CACNG3: variants seen among roughly 807,000 people sequenced by gnomAD.
CACNG3 encodes the protein calcium voltage-gated channel auxiliary subunit gamma 3.
CACNG3 carries 3 observed loss-of-function variants against 28.5 expected under a neutral mutation model. The ratio of observed to expected loss-of-function variants is 0.11; its 90% confidence interval spans 0.05 to 0.27. The LOEUF (loss-of-function observed/expected upper bound fraction) is 0.27. Among genes scored for constraint, CACNG3 ranks in the 10% least tolerant of loss-of-function variants. The pLI is 1.00. For synonymous variants in CACNG3, 174 were observed against 162.2 expected (o/e 1.07, Z -0.55); for missense variants, 236 against 414.4 (o/e 0.57, Z 3.74).
chr16:24,271,291 A>G (rs1898687141), intron 1 of CACNG3, among the ~76,000 whole-genome samples: 1 of 152,202 alleles, frequency 6.6e-6, no homozygotes, highest in Non-Finnish European at 1.5e-5. Flanking sequence ...GCAGTGAAGT[A>G]GCACCTCATT....
At chr16:24,313,932 A>G (rs1899312021) in intron 1 of CACNG3, among the ~76,000 whole-genome samples, 1 of 151,960 alleles carries the variant, frequency 6.6e-6, no homozygotes, top group Admixed American at 6.6e-5. Flanking sequence ...TTTAGTAGAG[A>G]CAGGATATCG....
chr16:24,317,282 C>G (rs1320023425), intron 1 of CACNG3, among the ~76,000 whole-genome samples: 1 of 152,122 alleles, frequency 6.6e-6, no homozygotes, highest in Non-Finnish European at 1.5e-5. Context: ...TGGCTCCCAC[C>G]TGTAATCCCA....
intron 1 of CACNG3, among the ~76,000 whole-genome samples, chr16:24,282,142 G>A (rs180968561): frequency 6.6e-6 from 1 of 152,282 alleles, no homozygotes; most frequent in East Asian, 1.9e-4. Context: ...CAACTTTAAA[G>A]GAGACCCGAC....
At chr16:24,326,238 C>A (rs1246511103) in intron 1 of CACNG3, among the ~76,000 whole-genome samples, 1 of 151,838 alleles carries the variant, frequency 6.6e-6, no homozygotes, top group Non-Finnish European at 1.5e-5. Context: ...ATGGCACAAC[C>A]TCTGCTCACC....
At chr16:24,343,594 C>T (rs568108413) in intron 1 of CACNG3, among the ~76,000 whole-genome samples, 5 of 152,082 alleles carry the variant, frequency 3.3e-5, no homozygotes, top group Non-Finnish European at 7.4e-5. Context: ...AGGGGGTAGG[C>T]TATAAAATGA....
chr16:24,351,370 G>C (rs754818985), intron 2 of CACNG3, among the ~76,000 whole-genome samples: 12 of 151,880 alleles, frequency 7.9e-5, no homozygotes, highest in African/African-American at 2.4e-4. Context: ...TCAGGAGTTC[G>C]AGACCAACCA....
intron 1 of CACNG3, among the ~76,000 whole-genome samples, chr16:24,308,609 C>T (rs1319274717): frequency 6.6e-6 from 1 of 152,052 alleles, no homozygotes; most frequent in Non-Finnish European, 1.5e-5. Flanking sequence ...AATCCCAGCA[C>T]TTTGGGAGGC....
intron 1 of CACNG3, among the ~76,000 whole-genome samples, chr16:24,257,709 TA>T: frequency 6.6e-6 from 1 of 152,288 alleles, no homozygotes; most frequent in East Asian, 1.9e-4. Context: ...CCCAAACCCC[TA>T]AAAAGGTATT....
chr16:24,360,949 C>T (rs539870755), intron 3 of CACNG3, among the ~76,000 whole-genome samples: 1 of 152,284 alleles, frequency 6.6e-6, no homozygotes, highest in East Asian at 1.9e-4. Context: ...CCTGTAATTG[C>T]ATTTACATGT....
intron 1 of CACNG3, among the ~76,000 whole-genome samples, chr16:24,315,620 CTTTT>C (rs1899341679): frequency 7.5e-6 from 1 of 132,854 alleles, no homozygotes; most frequent in East Asian, 2.2e-4. Flanking sequence ...TTCTTTCTTT[CTTTT>C]TCTCTCTCTT....
intron 1 of CACNG3, among the ~76,000 whole-genome samples, chr16:24,305,153 C>G (rs1013235574): frequency 2.6e-5 from 4 of 151,966 alleles, no homozygotes; most frequent in African/African-American, 9.7e-5. Flanking sequence ...CCGTGTGTGA[C>G]AAATGTGCCA....
At chr16:24,312,959 A>AAGAAAGAAAGAG (rs1297026328) in intron 1 of CACNG3, among the ~76,000 whole-genome samples, 6,238 of 139,284 alleles carry the variant, frequency 0.045, 173 homozygotes, top group African/African-American at 0.049. Flanking sequence ...AAGAAAGAGA[A>AAGAAAGAAAGAG]AGAAAGAAAA....
rs1028134002 is a variant in CACNG3, at chr16:24,256,838, G to T, written c.84G>T (p.Val28=). ...CTTTTAGTTTAATGACCATTGCAGT[G>T]GGCACGGACTACTGGTTATATTCCA... ...FAAFSLMTIA[V]GTDYWLYSRG... Residue 28 remains valine, a synonymous_variant, in exon 1 of 4, where the codon GTG becomes GTT. Coordinates refer to ENST00000005284, the MANE Select transcript of CACNG3 (RefSeq NM_006539.4). This position sits in a 1 kb window ranked among gnomAD's most constrained non-coding sequence, Gnocchi z 4.6. The T allele has an allele frequency of 3.7e-6, 6 of 1,612,856 alleles. No individual in the cohort carries two copies. In the Admixed American group the frequency reaches 6.7e-5, roughly 18 times the overall value.
chr16:24,303,377 G>T (rs540409484), intron 1 of CACNG3, among the ~76,000 whole-genome samples: 3 of 145,056 alleles, frequency 2.1e-5, no homozygotes, highest in Non-Finnish European at 4.5e-5. Flanking sequence ...TTTAGTAGAG[G>T]TGGGGTCTCA....
chr16:24,308,839 C>CAAAAAAA (rs71154298), intron 1 of CACNG3, among the ~76,000 whole-genome samples: 105 of 27,256 alleles, frequency 3.9e-3, no homozygotes, highest in East Asian at 6.7e-3. Context: ...GAACCTACCT[C>CAAAAAAA]AAAAAAAAAA....
chr16:24,282,420 A>C (rs1302824731), intron 1 of CACNG3, among the ~76,000 whole-genome samples: 2 of 139,964 alleles, frequency 1.4e-5, no homozygotes, highest in African/African-American at 2.8e-5. Context: ...TTTTTTTTTT[A>C]AACGGAATCT....
chr16:24,298,935 T>C (rs1195532106), intron 1 of CACNG3, among the ~76,000 whole-genome samples: 1 of 152,222 alleles, frequency 6.6e-6, no homozygotes, highest in East Asian at 1.9e-4. Context: ...AATGTCCTTC[T>C]CAACACATCA....
At chr16:24,356,066 G>A (rs1279537032) in intron 3 of CACNG3, among the ~76,000 whole-genome samples, 1 of 152,116 alleles carries the variant, frequency 6.6e-6, no homozygotes, top group East Asian at 1.9e-4. Context: ...TTCCCTCTGG[G>A]TTTTCATCCT....
Position 24,317,638 on chromosome 16 carries a change from GAAA to G in CACNG3, c.212-29095_212-29093del, listed in dbSNP as rs1567217594. On this transcript the variant is annotated intron_variant, in intron 1 of 3. Transcript: ENST00000005284. ...AGAAAGAAAGAAAGACAGACAGAAA[GAAA>G]GAAAAGAAAAGAAAGAAAGAAAGAA... Among the ~76,000 whole-genome samples the G allele has an allele frequency of 1.5e-3, 76 of 51,998 alleles. 3 individuals carry two copies. The highest frequency in any genetic ancestry group is 3.1e-3 in the Admixed American group (14 of 4,462). The allele number at this position is 51,998 out of a possible 152,430, so 34.1% of individuals were successfully genotyped here.
Sources: gnomAD v4.1 joint callset for allele counts (sites outside exome capture counted in the v4.1 genomes callset) on GRCh38, gnomAD v4.1.1 for gene constraint, Gnocchi (gnomAD v3.1) non-coding constraint, MANE v1.5 for transcripts, NCBI Gene and HGNC (gene_info 2026-07-23, HGNC 2026-07-21) for gene names.